The following FLOT1 variants were observed in gnomAD, a reference collection of about 807,000 sequenced individuals.
The protein encoded by FLOT1 is flotillin 1, also known as flotillin-1.
A neutral mutation model predicts 58.4 loss-of-function variants in FLOT1; 40 were observed. The observed-to-expected ratio is 0.69, with a 90% CI of 0.53 to 0.89. The LOEUF is 0.89. Among genes scored for constraint, FLOT1 ranks in the 40% least tolerant of loss-of-function variants. The probability of loss-of-function intolerance (pLI) is 0.00; values close to 1 mark genes in which losing one functional copy is unlikely to be tolerated. For missense variants in FLOT1, 423 were observed against 540.8 expected, an observed-to-expected ratio of 0.78 and a Z score of 2.16; for synonymous variants, 178 against 204.2, an observed-to-expected ratio of 0.87 and a Z score of 1.09.
Position 30,742,505 on chromosome 6 carries a change from C to T in FLOT1, c.-15+22G>A, listed in dbSNP as rs1284396484. 2.3e-6 allele frequency: 1 copy of T among 429,458 alleles called. No homozygotes were observed. 26.6% of individuals were successfully genotyped at this position (429,458 alleles called of 1,614,324 possible). ...CCCTGCTTCTCGGCAGCCCCAGGCT[C>T]CATCTCCCCTCCCCCACTCACCTTC... On this transcript the variant is annotated intron_variant, in intron 1 of 12. Coordinates refer to ENST00000376389, the MANE Select transcript of FLOT1 (RefSeq NM_005803.4). This position sits in a 1 kb window ranked among gnomAD's most constrained non-coding sequence, Gnocchi z 5.2.
rs1491548787 is a variant in FLOT1, at chr6:30,737,217, C to CATCCGTCT, written c.723+2940_723+2941insAGACGGAT. 2.7e-4 allele frequency among the ~76,000 whole-genome samples: 22 copies of CATCCGTCT among 80,806 alleles called. 2 individuals carry two copies. The highest frequency in any genetic ancestry group is 1.9e-3 in the East Asian group (6 of 3,142). The allele number at this position is 80,806 out of a possible 152,430, so 53.0% of individuals were successfully genotyped here. ...ACTGACTGACTGTCTGTCGTCCGTC[C>CATCCGTCT]GTCCGTCCGTCCGTCCGTCCGTCCG... is the stretch of plus-strand genomic sequence containing the variant. On this transcript the variant is annotated intron_variant, in intron 8 of 12. Coordinates refer to ENST00000376389, the MANE Select transcript of FLOT1 (RefSeq NM_005803.4). This position sits in a 1 kb window ranked among gnomAD's most constrained non-coding sequence, Gnocchi z 4.4.
At chr6:30,730,238 A>G in intron 11 of FLOT1, 52 bp from the exon 12 acceptor site, 1 of 1,593,392 alleles carries the variant, frequency 6.3e-7, no homozygotes, top group Non-Finnish European at 8.6e-7. Flanking sequence ...CACATTCCTC[A>G]TAAAACAACT....
intron 5 of FLOT1, 35 bp from the exon 6 acceptor site, chr6:30,740,833 A>ATTTT: frequency 7.7e-7 from 1 of 1,299,460 alleles, no homozygotes; most frequent in Non-Finnish European, 1.0e-6. Context: ...AAGGGATGTA[A>ATTTT]GTTTTTTTTT....
intron 8 of FLOT1, among the ~76,000 whole-genome samples, chr6:30,731,504 A>C (rs1167381646): frequency 6.6e-6 from 1 of 151,368 alleles, no homozygotes; most frequent in Non-Finnish European, 1.5e-5. Context: ...AAAAAAAAAA[A>C]AAGGAGCAGG....
chr6:30,742,568 G>C lies in FLOT1; in HGVS notation c.-56C>G. 1 of 271,232 alleles carries C rather than the reference G, an allele frequency of 3.7e-6. No individual in the cohort carries two copies. Among genetic ancestry groups the C allele is most frequent in the Non-Finnish European group, 7.1e-6 (1 of 140,604 alleles). 16.8% of individuals were successfully genotyped at this position (271,232 alleles called of 1,614,324 possible). On this transcript the variant is annotated 5_prime_UTR_variant, in exon 1 of 13. Coordinates refer to ENST00000376389, the MANE Select transcript of FLOT1 (RefSeq NM_005803.4). This position sits in a 1 kb window ranked among gnomAD's most constrained non-coding sequence, Gnocchi z 5.2. ...GGCAGCCCGGCTGGGGTCTCGGGAAGGGCGGGGTCGCGCAGGGACCTGGGA... is the reference window on the plus strand; with the variant it reads ...GGCAGCCCGGCTGGGGTCTCGGGAACGGCGGGGTCGCGCAGGGACCTGGGA...
Position 30,742,366 on chromosome 6 carries a change from C to T in FLOT1, c.-15+161G>A. The T allele has an allele frequency of 1.6e-6, 1 of 633,618 alleles. No homozygotes were observed. Among genetic ancestry groups the T allele is most frequent in the Non-Finnish European group, 2.9e-6 (1 of 350,244 alleles). 39.2% of individuals were successfully genotyped at this position (633,618 alleles called of 1,614,324 possible). ...CGCTAAGGCTTTTCCCTACAAAATC[C>T]TTAAGATCCCCAGCTACCTCTTCTC... On this transcript the variant is annotated intron_variant, in intron 1 of 12. Coordinates refer to ENST00000376389, the MANE Select transcript of FLOT1 (RefSeq NM_005803.4). The surrounding 1 kb of genome is among the most constrained non-coding windows in gnomAD (Gnocchi z 5.2).
intron 8 of FLOT1, among the ~76,000 whole-genome samples, chr6:30,731,769 G>A (rs182124312): frequency 2.8e-4 from 42 of 152,266 alleles, no homozygotes; most frequent in African/African-American, 9.9e-4. Context: ...GGTGGGGACA[G>A]GTGATCTTTT....
intron 12 of FLOT1, 72 bp from the exon 13 acceptor site, chr6:30,728,217 C>T (rs1328903517): frequency 3.0e-5 from 40 of 1,346,756 alleles, no homozygotes; most frequent in Non-Finnish European, 2.1e-6. Flanking sequence ...TCCCGGGCCC[C>T]AGTTTAGACG....
intron 8 of FLOT1, among the ~76,000 whole-genome samples, chr6:30,734,409 A>T (rs1057127157): frequency 6.6e-6 from 1 of 151,436 alleles, no homozygotes; most frequent in Non-Finnish European, 1.5e-5. Flanking sequence ...CCCAGGTTCA[A>T]GTGATTCTCC....
In FLOT1 at chr6:30,730,078, T is replaced by C. The variant is rs755381443; in HGVS notation, c.1198A>G (p.Ile400Val). The C allele has an allele frequency of 1.9e-6, 3 of 1,613,030 alleles. No homozygotes were observed. Among genetic ancestry groups the C allele is most frequent in the Non-Finnish European group, 2.5e-6 (3 of 1,180,008 alleles). ...ACACTCTCTGGCAGGCGAGTTAGAA[T>C]GTCCAGTACTTCCCCAGTCACTTTG... ...AAKVTGEVLDILTRLPESVER... is the reference protein window; with the variant it reads ...AAKVTGEVLDVLTRLPESVER... The change falls in exon 12 of 13, where the codon ATT becomes GTT. Residue 400 changes from isoleucine to valine, a missense_variant. Transcript: ENST00000376389.
At chr6:30,730,623 G>A in intron 10 of FLOT1, 58 bp from the exon 11 acceptor site, 5 of 1,613,764 alleles carry the variant, frequency 3.1e-6, no homozygotes, top group South Asian at 2.2e-5. Context: ...AGAAATCCCC[G>A]ATCAAGCAGC....
Position 30,728,037 on chromosome 6 carries a change from G to T in FLOT1, c.*79C>A. On this transcript the variant is annotated 3_prime_UTR_variant, in exon 13 of 13. Transcript: ENST00000376389. ...CACTGTCAATGGACATGCTCAGGGA[G>T]GCCAGTGGGTTACATGCAACAGGAG... 1 of 1,291,702 alleles carries T rather than the reference G, an allele frequency of 7.7e-7. No homozygotes were observed. Among genetic ancestry groups the T allele is most frequent in the Non-Finnish European group, 1.1e-6 (1 of 887,554 alleles). The allele number at this position is 1,291,702 out of a possible 1,614,324, so 80.0% of individuals were successfully genotyped here.
At chr6:30,730,384 T>G (rs201480751) in intron 11 of FLOT1, 44 bp downstream of exon 11, 1 of 1,537,856 alleles carries the variant, frequency 6.5e-7, no homozygotes, top group Admixed American at 2.0e-5. Flanking sequence ...CCTTAGTCCC[T>G]GGTTCTATTT....
chr6:30,730,334 C>T lies in FLOT1; in HGVS notation c.1089+94G>A. 3 of 1,503,738 alleles carry T rather than the reference C, an allele frequency of 2.0e-6. No individual in the cohort carries two copies. In the South Asian group the frequency reaches 3.8e-5, roughly 19 times the overall value. 93.1% of individuals were successfully genotyped at this position (1,503,738 alleles called of 1,614,324 possible). A position where few individuals can be genotyped will look rare whatever the true frequency, so the allele number is the denominator to read the frequency against. On this transcript the variant is annotated intron_variant, in intron 11 of 12. Transcript: ENST00000376389. ...ATTCCCACCCCTAATTTAGAGTCCC[C>T]CTAGGCTGTTTCTCCCTAAGCCCCT... is the stretch of plus-strand genomic sequence containing the variant.
intron 8 of FLOT1, among the ~76,000 whole-genome samples, chr6:30,738,013 A>G (rs189523544): frequency 6.6e-6 from 1 of 152,340 alleles, no homozygotes; most frequent in East Asian, 1.9e-4. Flanking sequence ...AACCAGTCCA[A>G]TCCCTTAATC....
chr6:30,728,464 CTTTTTTTTTTTCT>C (rs1018563015), intron 12 of FLOT1, among the ~76,000 whole-genome samples: 6 of 146,242 alleles, frequency 4.1e-5, no homozygotes, highest in Admixed American at 6.8e-5. Flanking sequence ...TTTACATACG[CTTTTTTTTTTTCT>C]TTTTTTTTTT....
rs781767075 is a variant in FLOT1 at position 30,741,727 on chromosome 6, A to G, written c.120-23T>C. On this transcript the variant is annotated intron_variant, in intron 3 of 12. Transcript: ENST00000376389. This position sits in a 1 kb window ranked among gnomAD's most constrained non-coding sequence, Gnocchi z 5.9. Reference sequence around the variant, plus strand: ...ATCCTAGGGGAAAAAGAAGGGACAGACAGTAAGAAGAGGAGGAAAAAGAGA... The same window carrying G: ...ATCCTAGGGGAAAAAGAAGGGACAGGCAGTAAGAAGAGGAGGAAAAAGAGA... 6.2e-7 allele frequency: 1 copy of G among 1,610,592 alleles called. No individual in the cohort carries two copies.
chr6:30,737,532 A>G lies in FLOT1; in HGVS notation c.723+2626T>C, dbSNP rs1029631091. The stretch of plus-strand genomic sequence containing the variant: ...CTCAGCCTCTCAAAGTGTTGGGATT[A>G]CAGGCATGAACCACCGCGCCCAGCC... On this transcript the variant is annotated intron_variant, in intron 8 of 12. Coordinates refer to ENST00000376389, the MANE Select transcript of FLOT1 (RefSeq NM_005803.4). This position sits in a 1 kb window ranked among gnomAD's most constrained non-coding sequence, Gnocchi z 4.4. 1.3e-4 allele frequency among the ~76,000 whole-genome samples: 20 copies of G among 152,120 alleles called. No individual in the cohort carries two copies. The highest frequency in any genetic ancestry group is 5.2e-4 in the Admixed American group (8 of 15,262).
intron 7 of FLOT1, 29 bp from the exon 8 acceptor site, chr6:30,740,339 G>T (rs746175288): frequency 3.1e-6 from 5 of 1,612,260 alleles, no homozygotes; most frequent in Non-Finnish European, 4.2e-6. Flanking sequence ...GGTAGGAAAT[G>T]TCAGGGCAGG....
Sources: gnomAD v4.1 joint callset for allele counts (sites outside exome capture counted in the v4.1 genomes callset) on GRCh38, gnomAD v4.1.1 for gene constraint, Gnocchi (gnomAD v3.1) non-coding constraint, MANE v1.5 for transcripts, NCBI Gene and HGNC (gene_info 2026-07-23, HGNC 2026-07-21) for gene names.